MOB3A: variants seen among roughly 807,000 people sequenced by gnomAD.
MOB3A encodes MOB LAK.
MOB3A carries 17 observed loss-of-function variants against 17.8 expected under a neutral mutation model. The observed-to-expected ratio is 0.95, with a 90% CI of 0.65 to 1.43. MOB3A has a LOEUF of 1.43. Ranked by LOEUF, MOB3A falls within the 40% of genes most tolerant of loss-of-function variation. The pLI is 0.00. For synonymous variants in MOB3A, 124 were observed against 133.2 expected, an observed-to-expected ratio of 0.93 and a Z score of 0.48; for missense variants, 333 against 310.8, an observed-to-expected ratio of 1.07 and a Z score of -0.54.
rs926689336 is a variant in MOB3A, at chr19:2,082,807, C to T, written c.-120+2368G>A. On this transcript the variant is annotated intron_variant, in intron 2 of 4. Transcript: ENST00000357066. This position sits in a 1 kb window ranked among gnomAD's most constrained non-coding sequence, Gnocchi z 4.1. ...CCCAGGGTCACCACACAGGTCCCCC[C>T]GCTTGCTTCTCTTCCATTTTTAGAG... is the stretch of plus-strand genomic sequence containing the variant. 1.3e-5 allele frequency among the ~76,000 whole-genome samples: 2 copies of T among 152,072 alleles called. No individual in the cohort carries two copies. The highest frequency in any genetic ancestry group is 2.4e-5 in the African/African-American group (1 of 41,392).
chr19:2,084,050 G>T (rs1599408173), intron 2 of MOB3A: 2 of 438,014 alleles, frequency 4.6e-6, no homozygotes, highest in Middle Eastern at 3.3e-4. Flanking sequence ...GGGATTACAG[G>T]CGTGAGCCAC....
chr19:2,087,945 G>A (rs2017571922), intron 1 of MOB3A, among the ~76,000 whole-genome samples: 1 of 152,228 alleles, frequency 6.6e-6, no homozygotes, highest in African/African-American at 2.4e-5. Flanking sequence ...GTCTGAACGT[G>A]GGGGCAGGAG....
At chr19:2,080,733 A>C (rs554589562) in intron 2 of MOB3A, among the ~76,000 whole-genome samples, 22 of 152,166 alleles carry the variant, frequency 1.4e-4, no homozygotes, top group African/African-American at 4.3e-4. Context: ...ACGATACATG[A>C]CTGGGCGAGT....
intron 1 of MOB3A, among the ~76,000 whole-genome samples, chr19:2,090,599 C>T (rs2017602779): frequency 6.6e-6 from 1 of 152,218 alleles, no homozygotes; most frequent in Non-Finnish European, 1.5e-5. Flanking sequence ...GAAGTAACAA[C>T]TTCCTCCTTC....
chr19:2,078,990 G>A (rs1345211352), intron 2 of MOB3A, among the ~76,000 whole-genome samples: 1 of 152,154 alleles, frequency 6.6e-6, no homozygotes, highest in Admixed American at 6.5e-5. Flanking sequence ...CAACTCCTGG[G>A]CTCACATGAT....
At position 2,078,341 on chromosome 19, in the gene MOB3A, G is replaced by T; in HGVS notation, c.220C>A (p.Leu74Ile). The part of the protein sequence containing the change: ...HVVDFFNRVN[L>I]IYGTISDGCT... Reference sequence around the variant, plus strand: ...CCGTCGCTGATGGTGCCGTAGATGAGGTTGACGCGGTTAAAGAAGTCCACC... The same window carrying T: ...CCGTCGCTGATGGTGCCGTAGATGATGTTGACGCGGTTAAAGAAGTCCACC... The change falls in exon 3 of 5, where the codon CTC becomes ATC. Residue 74 changes from leucine (L) to isoleucine (I), a missense_variant. Coordinates refer to ENST00000357066, the MANE Select transcript of MOB3A (RefSeq NM_130807.3). 6.2e-7 allele frequency: 1 copy of T among 1,612,456 alleles called. No individual in the cohort carries two copies. Among genetic ancestry groups the T allele is most frequent in the South Asian group, 1.1e-5 (1 of 91,084 alleles).
At chr19:2,095,146 G>A (rs1464921629) in intron 1 of MOB3A, 2 of 152,626 alleles carry the variant, frequency 1.3e-5, no homozygotes, top group African/African-American at 4.8e-5. Flanking sequence ...TCTCCAGCCT[G>A]GGCGTGAGTG....
At chr19:2,081,351 GC>G (rs2017485641) in intron 2 of MOB3A, among the ~76,000 whole-genome samples, 1 of 152,180 alleles carries the variant, frequency 6.6e-6, no homozygotes, top group Non-Finnish European at 1.5e-5. Context: ...ACTTTGGGAG[GC>G]CGAGGCGGGT....
intron 1 of MOB3A, among the ~76,000 whole-genome samples, chr19:2,088,529 G>A (rs1173047742): frequency 6.6e-6 from 1 of 152,014 alleles, no homozygotes; most frequent in Non-Finnish European, 1.5e-5. Flanking sequence ...GTGCAGTGGT[G>A]CGATCTTGGC....
intron 1 of MOB3A, among the ~76,000 whole-genome samples, chr19:2,090,838 A>T (rs1190935282): frequency 6.6e-6 from 1 of 151,870 alleles, no homozygotes; most frequent in Non-Finnish European, 1.5e-5. Context: ...TAATTTTTGA[A>T]TTTTTAGTAG....
rs1032095227 is a variant in MOB3A at position 2,071,478 on chromosome 19, T to C, written c.*1917A>G. 2.5e-4 allele frequency: 38 copies of C among 152,448 alleles called. No individual in the cohort carries two copies. Among genetic ancestry groups the C allele is most frequent in the African/African-American group, 8.7e-4 (36 of 41,562 alleles). 9.4% of individuals were successfully genotyped at this position (152,448 alleles called of 1,614,324 possible). A position where few individuals can be genotyped will look rare whatever the true frequency, so the allele number is the denominator to read the frequency against. On this transcript the variant is annotated 3_prime_UTR_variant, in exon 5 of 5. Coordinates refer to ENST00000357066, the MANE Select transcript of MOB3A (RefSeq NM_130807.3). Reference sequence around the variant, plus strand: ...ACAGCGTGCTTCTCTTCGGTGACCATCCCAGGCGCCCAGAGGTGACCAGAC... The same window carrying C: ...ACAGCGTGCTTCTCTTCGGTGACCACCCCAGGCGCCCAGAGGTGACCAGAC...
At chr19:2,081,316 G>A (rs933930192) in intron 2 of MOB3A, among the ~76,000 whole-genome samples, 34 of 152,316 alleles carry the variant, frequency 2.2e-4, no homozygotes, top group Admixed American at 7.2e-4. Context: ...GGCCGGGCGT[G>A]GTGGCTCACG....
At chr19:2,074,918 C>T (rs2017384972) in intron 4 of MOB3A, among the ~76,000 whole-genome samples, 1 of 152,038 alleles carries the variant, frequency 6.6e-6, no homozygotes, top group Non-Finnish European at 1.5e-5. Context: ...GGGGTTTCAC[C>T]ATGTTGGCCA....
chr19:2,082,100 A>ATCCT lies in MOB3A; in HGVS notation c.-120+3071_-120+3074dup, dbSNP rs1373706666. On this transcript the variant is annotated intron_variant, in intron 2 of 4. Coordinates refer to ENST00000357066, the MANE Select transcript of MOB3A (RefSeq NM_130807.3). This position sits in a 1 kb window ranked among gnomAD's most constrained non-coding sequence, Gnocchi z 4.1. Reference sequence around the variant, plus strand: ...AGAAAGGCCTGAACTTCCCCAGCCCATCCTGGGGCCCTTAGCCACCATCGT... The same window carrying ATCCT: ...AGAAAGGCCTGAACTTCCCCAGCCCATCCTTCCTGGGGCCCTTAGCCACCATCGT... 1.3e-5 allele frequency among the ~76,000 whole-genome samples: 2 copies of ATCCT among 152,132 alleles called. No individual in the cohort carries two copies. Among genetic ancestry groups the ATCCT allele is most frequent in the African/African-American group, 4.8e-5 (2 of 41,352 alleles).
chr19:2,095,056 AG>A, intron 1 of MOB3A, among the ~76,000 whole-genome samples: 1 of 152,200 alleles, frequency 6.6e-6, no homozygotes, highest in East Asian at 1.9e-4. Flanking sequence ...CTGTAATCCC[AG>A]CTACTCAGGA....
intron 4 of MOB3A, among the ~76,000 whole-genome samples, chr19:2,076,056 G>C (rs1257688370): frequency 6.6e-6 from 1 of 150,468 alleles, no homozygotes; most frequent in Non-Finnish European, 1.5e-5. Context: ...CCGGAAGGTG[G>C]GGGTTGCAGT....
At chr19:2,089,355 C>T (rs565835660) in intron 1 of MOB3A, among the ~76,000 whole-genome samples, 1 of 152,300 alleles carries the variant, frequency 6.6e-6, no homozygotes, top group Admixed American at 6.5e-5. Context: ...GCTGCGTCTG[C>T]CACTAGGGCA....
rs1372454981 is a variant in MOB3A, at chr19:2,071,663, G to C, written c.*1732C>G. ...CCTGCTCTCACCTTCCAAAGGTCTAGGGTACACAGAACTCATGGATTTTGG... is the reference window on the plus strand; with the variant it reads ...CCTGCTCTCACCTTCCAAAGGTCTACGGTACACAGAACTCATGGATTTTGG... On this transcript the variant is annotated 3_prime_UTR_variant, in exon 5 of 5. Coordinates refer to ENST00000357066, the MANE Select transcript of MOB3A (RefSeq NM_130807.3). 2.6e-5 allele frequency: 4 copies of C among 152,390 alleles called. No individual in the cohort carries two copies. The highest frequency in any genetic ancestry group is 2.1e-4 in the South Asian group (1 of 4,816). The allele number at this position is 152,390 out of a possible 1,614,324, so 9.4% of individuals were successfully genotyped here.
At chr19:2,084,581 G>A (rs991717367) in intron 2 of MOB3A, among the ~76,000 whole-genome samples, 2 of 151,796 alleles carry the variant, frequency 1.3e-5, no homozygotes, top group Admixed American at 6.6e-5. Context: ...CACAGCAGAC[G>A]GTTTTTTTTT....
Sources: gnomAD v4.1 joint callset for allele counts (sites outside exome capture counted in the v4.1 genomes callset) on GRCh38, gnomAD v4.1.1 for gene constraint, Gnocchi (gnomAD v3.1) non-coding constraint, MANE v1.5 for transcripts, NCBI Gene and HGNC (gene_info 2026-07-23, HGNC 2026-07-21) for gene names.